Variants in PXDNL observed in about 807,000 individuals in gnomAD.
PXDNL encodes probable oxidoreductase PXDNL.
In PXDNL, 145 loss-of-function variants were observed where a neutral mutation model predicts 150.8. The ratio of observed to expected loss-of-function variants is 0.96; its 90% CI spans 0.84 to 1.10. The LOEUF is 1.10. Among genes scored for constraint, PXDNL ranks in the 50% least tolerant of loss-of-function variants. The pLI, the probability that PXDNL is intolerant of heterozygous loss-of-function variation, is 0.00. For synonymous variants in PXDNL, 757 were observed against 725.7 expected, an observed-to-expected ratio of 1.04 and a Z score of -0.69; for missense variants, 2,087 against 1,873.9, an observed-to-expected ratio of 1.11 and a Z score of -2.10.
intron 2 of PXDNL, among the ~76,000 whole-genome samples, chr8:51,601,399 C>T (rs1813717956): frequency 6.6e-6 from 1 of 151,974 alleles, no homozygotes; most frequent in East Asian, 1.9e-4. Flanking sequence ...AGTCTGGGTG[C>T]TCCATTGTTG....
chr8:51,606,596 T>C (rs1813841070), intron 2 of PXDNL, among the ~76,000 whole-genome samples: 1 of 152,140 alleles, frequency 6.6e-6, no homozygotes, highest in Non-Finnish European at 1.5e-5. Flanking sequence ...GCTGCCCAAC[T>C]GAAATATAAT....
intron 1 of PXDNL, among the ~76,000 whole-genome samples, chr8:51,733,857 GAT>G (rs1816983885): frequency 1.4e-5 from 2 of 145,076 alleles, no homozygotes; most frequent in African/African-American, 5.2e-5. Flanking sequence ...TGATATATAT[GAT>G]ATATGATATA....
At chr8:51,780,318 T>C (rs1299898548) in intron 1 of PXDNL, among the ~76,000 whole-genome samples, 2 of 152,130 alleles carry the variant, frequency 1.3e-5, no homozygotes, top group Admixed American at 6.5e-5. Context: ...GGGACACTAA[T>C]GTAGATAGCT....
chr8:51,763,407 C>T (rs1476516846), intron 1 of PXDNL, among the ~76,000 whole-genome samples: 4 of 151,926 alleles, frequency 2.6e-5, no homozygotes, highest in Admixed American at 1.3e-4. Flanking sequence ...GGCAAGCAAG[C>T]GCCAGACTCC....
chr8:51,427,848 T>C (rs1809149017), intron 12 of PXDNL, among the ~76,000 whole-genome samples: 1 of 152,188 alleles, frequency 6.6e-6, no homozygotes, highest in Admixed American at 6.5e-5. Flanking sequence ...TCTAGTCTTA[T>C]TCAACACAGT....
chr8:51,641,971 G>A (rs930420782), intron 2 of PXDNL, among the ~76,000 whole-genome samples: 1 of 152,032 alleles, frequency 6.6e-6, no homozygotes, highest in Admixed American at 6.6e-5. Context: ...GTCCAACAAT[G>A]ATAGACTGGA....
At chr8:51,382,879 G>A (rs962696003) in intron 17 of PXDNL, among the ~76,000 whole-genome samples, 5 of 152,196 alleles carry the variant, frequency 3.3e-5, no homozygotes, top group African/African-American at 1.2e-4. Flanking sequence ...TTCCCAGAGA[G>A]TATAATCCTG....
In PXDNL at chr8:51,462,190, AGCC is replaced by A. The variant is rs547779826; in HGVS notation, c.813-4526_813-4524del. ...AACTTCAAAGAGATAAAGGAACACC[AGCC>A]CTCTCAAATGAGTAAGAATCAGTGC... On this transcript the variant is annotated intron_variant, in intron 8 of 22. Coordinates refer to ENST00000356297, the MANE Select transcript of PXDNL (RefSeq NM_144651.5). Among the ~76,000 whole-genome samples the A allele has an allele frequency of 2.6e-3, 400 of 152,368 alleles. 2 individuals carry two copies. Among genetic ancestry groups the A allele is most frequent in the African/African-American group, 8.9e-3 (370 of 41,588 alleles).
At chr8:51,392,549 T>C (rs908826178) in intron 17 of PXDNL, among the ~76,000 whole-genome samples, 3 of 152,216 alleles carry the variant, frequency 2.0e-5, no homozygotes, top group Admixed American at 1.3e-4. Context: ...TTGTCTGTTA[T>C]TGGTGTACAA....
chr8:51,331,239 T>C (rs28844662), intron 21 of PXDNL, among the ~76,000 whole-genome samples: 310 of 152,182 alleles, frequency 2.0e-3, no homozygotes, highest in African/African-American at 7.1e-3. Flanking sequence ...TTGTGGGAGA[T>C]GTTCCCGACT....
At chr8:51,509,507 C>G (rs1811364677) in intron 4 of PXDNL, among the ~76,000 whole-genome samples, 1 of 152,066 alleles carries the variant, frequency 6.6e-6, no homozygotes, top group Non-Finnish European at 1.5e-5. Flanking sequence ...CTCTCACATG[C>G]CAGGCTCACT....
intron 1 of PXDNL, among the ~76,000 whole-genome samples, chr8:51,704,460 A>G (rs1261862164): frequency 1.3e-5 from 2 of 152,158 alleles, no homozygotes; most frequent in Non-Finnish European, 2.9e-5. Flanking sequence ...CATATTTCCT[A>G]GTGTCTGTGT....
At chr8:51,405,802 C>T (rs1022698147) in intron 17 of PXDNL, among the ~76,000 whole-genome samples, 16 of 152,184 alleles carry the variant, frequency 1.1e-4, no homozygotes, top group Non-Finnish European at 2.4e-4. Flanking sequence ...TTCTGGCAAC[C>T]CACCCATGCC....
chr8:51,618,580 G>A (rs994720102), intron 2 of PXDNL, among the ~76,000 whole-genome samples: 9 of 152,146 alleles, frequency 5.9e-5, no homozygotes, highest in Admixed American at 2.6e-4. Context: ...AGGAGGCCTC[G>A]CAATAAAAGT....
chr8:51,622,689 C>T (rs1192655219), intron 2 of PXDNL, among the ~76,000 whole-genome samples: 1 of 152,198 alleles, frequency 6.6e-6, no homozygotes, highest in African/African-American at 2.4e-5. Context: ...AGCTGGTGCT[C>T]CTACCAAGTG....
intron 1 of PXDNL, among the ~76,000 whole-genome samples, chr8:51,696,765 C>CCACGCACA (rs1563510185): frequency 4.7e-4 from 1 of 2,142 alleles, no homozygotes; most frequent in Non-Finnish European, 1.1e-3. Flanking sequence ...ACACATAGGT[C>CCACGCACA]TTCACAGGTC....
chr8:51,508,283 CAA>C (rs1162394103), intron 4 of PXDNL, among the ~76,000 whole-genome samples: 1 of 152,110 alleles, frequency 6.6e-6, no homozygotes, highest in African/African-American at 2.4e-5. Flanking sequence ...AGGTAAAAGG[CAA>C]AGTCAACTGT....
intron 1 of PXDNL, among the ~76,000 whole-genome samples, chr8:51,690,096 C>T (rs1337519712): frequency 1.3e-5 from 2 of 152,186 alleles, no homozygotes; most frequent in African/African-American, 4.8e-5. Flanking sequence ...ACCAAACCAA[C>T]ACAACTGCGT....
chr8:51,321,886 TC>T (rs1805328013), intron 21 of PXDNL, among the ~76,000 whole-genome samples: 1 of 152,078 alleles, frequency 6.6e-6, no homozygotes, highest in African/African-American at 2.4e-5. Flanking sequence ...TGAACTGTGT[TC>T]CCCCAAAATT....
Sources: gnomAD v4.1 joint callset for allele counts (sites outside exome capture counted in the v4.1 genomes callset) on GRCh38, gnomAD v4.1.1 for gene constraint, MANE v1.5 for transcripts, NCBI Gene and HGNC (gene_info 2026-07-23, HGNC 2026-07-21) for gene names.